Variants in PANK3 observed in about 807,000 individuals in gnomAD.
PANK3 encodes pantothenate kinase 3.
A neutral mutation model predicts 39.4 loss-of-function variants in PANK3; 20 were observed. That is an observed-to-expected ratio of 0.51 (90% CI 0.36 to 0.74). PANK3 has a LOEUF of 0.74. Ranked by LOEUF, PANK3 falls within the 30% of genes least tolerant of loss-of-function variation. The pLI is 0.00. For missense variants in PANK3, 265 were observed against 437.0 expected, an observed-to-expected ratio of 0.61 and a Z score of 3.51; for synonymous variants, 140 against 157.3, an observed-to-expected ratio of 0.89 and a Z score of 0.82.
chr5:168,570,396 A>AAAAAGAAAG (rs1218184463), intron 1 of PANK3, among the ~76,000 whole-genome samples: 1 of 150,796 alleles, frequency 6.6e-6, no homozygotes, highest in Non-Finnish European at 1.5e-5. Context: ...AAAAAAAAAA[A>AAAAAGAAAG]AAAGAAAGAA....
rs974702478 is a variant in PANK3, at chr5:168,572,485, A to T, written c.29-3487T>A. On this transcript the variant is annotated intron_variant, in intron 1 of 6. Coordinates refer to ENST00000239231, the MANE Select transcript of PANK3 (RefSeq NM_024594.4). ...GGGATAGGCAGTGGAGTTAGGAGCA[A>T]TGTTTTGAGGGCAGGGGGTGGATCT... 4.0e-5 allele frequency among the ~76,000 whole-genome samples: 6 copies of T among 148,968 alleles called. No individual in the cohort carries two copies. In the South Asian group the frequency reaches 1.3e-3, roughly 32 times the overall value.
In PANK3 at chr5:168,569,008, GA is replaced by G. The variant is rs368234880; in HGVS notation, c.29-11del. 0.057 allele frequency: 5,186 copies of G among 90,730 alleles called. 174 individuals are homozygous for G. The highest frequency in any genetic ancestry group is 0.13 in the African/African-American group (1,783 of 14,002). 5.6% of individuals were successfully genotyped at this position (90,730 alleles called of 1,614,324 possible). ...CCAAACCATGGGAAAGCTATGGGAG[GA>G]AAAAAAAAAAAAAAAAAAAAAATAT... is the stretch of plus-strand genomic sequence containing the variant. On this transcript the variant is annotated splice_polypyrimidine_tract_variant and intron_variant, in intron 1 of 6. Transcript: ENST00000239231.
chr5:168,560,985 A>C (rs760406930), intron 5 of PANK3: 1 of 498,504 alleles, frequency 2.0e-6, no homozygotes, highest in Admixed American at 2.0e-5. Context: ...GAAAACTTCC[A>C]AGAATTTCAC....
At chr5:168,571,254 T>C (rs1386060654) in intron 1 of PANK3, among the ~76,000 whole-genome samples, 1 of 152,216 alleles carries the variant, frequency 6.6e-6, no homozygotes, top group Non-Finnish European at 1.5e-5. Flanking sequence ...TATAATATTA[T>C]GAATTACAAA....
At chr5:168,561,575 T>C in intron 4 of PANK3, 59 bp from the exon 5 acceptor site, 1 of 1,391,124 alleles carries the variant, frequency 7.2e-7, no homozygotes, top group Non-Finnish European at 9.6e-7. Flanking sequence ...TTTTACGTAT[T>C]AACAGATATA....
At chr5:168,569,136 G>T (rs1222914334) in intron 1 of PANK3, 138 bp from the exon 2 acceptor site, 2 of 219,950 alleles carry the variant, frequency 9.1e-6, no homozygotes, top group Non-Finnish European at 1.7e-5. Flanking sequence ...TATGTATTGG[G>T]TAAGACACAT....
intron 3 of PANK3, among the ~76,000 whole-genome samples, chr5:168,564,672 A>C (rs1759497553): frequency 6.6e-6 from 1 of 152,150 alleles, no homozygotes; most frequent in Non-Finnish European, 1.5e-5. Flanking sequence ...CCTGGTCTCA[A>C]GCAATCCTCC....
chr5:168,561,332 G>T, intron 5 of PANK3, 61 bp downstream of exon 5: 1 of 1,455,072 alleles, frequency 6.9e-7, no homozygotes, highest in Non-Finnish European at 9.2e-7. Context: ...CCTGCTAGGT[G>T]TATATAGGAC....
At chr5:168,560,557 C>T (rs577245708) in intron 5 of PANK3, among the ~76,000 whole-genome samples, 5 of 152,300 alleles carry the variant, frequency 3.3e-5, no homozygotes, top group African/African-American at 1.2e-4. Flanking sequence ...GCAAGCTCCA[C>T]AAAGCCAGAT....
chr5:168,557,961 A>G (rs1271401291), intron 6 of PANK3, among the ~76,000 whole-genome samples: 1 of 152,124 alleles, frequency 6.6e-6, no homozygotes, highest in Admixed American at 6.5e-5. Flanking sequence ...TACGTATTCT[A>G]AAAGTGTGGC....
chr5:168,563,152 C>T (rs1759472397), intron 4 of PANK3, among the ~76,000 whole-genome samples: 1 of 151,996 alleles, frequency 6.6e-6, no homozygotes, highest in Admixed American at 6.6e-5. Context: ...AGGGTTTATT[C>T]CTTTATATAT....
chr5:168,565,879 ATATATAT>A, intron 3 of PANK3, 127 bp downstream of exon 3: 3 of 200,736 alleles, frequency 1.5e-5, no homozygotes, highest in Non-Finnish European at 2.8e-5. Flanking sequence ...ATATATATAT[ATATATAT>A]TTTTTTTTTT....
At chr5:168,558,713 T>G (rs1209715061) in intron 6 of PANK3, among the ~76,000 whole-genome samples, 1 of 152,218 alleles carries the variant, frequency 6.6e-6, no homozygotes, top group Non-Finnish European at 1.5e-5. Flanking sequence ...ACCAATATTC[T>G]ACTACTTAAG....
In PANK3 at chr5:168,574,024, T is replaced by TATACA. The variant is rs1440685905; in HGVS notation, c.29-5031_29-5027dup. Among the ~76,000 whole-genome samples the TATACA allele has an allele frequency of 2.6e-5, 4 of 151,702 alleles. No homozygotes were observed. The South Asian group carries it at 8.4e-4, about 32-fold the overall frequency. On this transcript the variant is annotated intron_variant, in intron 1 of 6. Transcript: ENST00000239231. ...GCAGCATGATTTATAGTCCTTTGGG[T>TATACA]ATACACCCAGTAATGGGATGGCTGG...
chr5:168,577,717 T>C (rs1398766854), intron 1 of PANK3, among the ~76,000 whole-genome samples: 4 of 152,240 alleles, frequency 2.6e-5, no homozygotes, highest in African/African-American at 9.6e-5. Flanking sequence ...CATACCTGAT[T>C]ATTAGTTTGT....
At chr5:168,564,543 C>T (rs1011928258) in intron 3 of PANK3, among the ~76,000 whole-genome samples, 1 of 152,130 alleles carries the variant, frequency 6.6e-6, no homozygotes, top group Non-Finnish European at 1.5e-5. Flanking sequence ...AAGCAATCTT[C>T]CTGTTCCAGC....
At chr5:168,574,680 G>C (rs1045750372) in intron 1 of PANK3, among the ~76,000 whole-genome samples, 1 of 152,120 alleles carries the variant, frequency 6.6e-6, no homozygotes, top group African/African-American at 2.4e-5. Context: ...GGGCAACATG[G>C]TGAAACCTCG....
At chr5:168,576,825 C>T (rs1179380365) in intron 1 of PANK3, among the ~76,000 whole-genome samples, 1 of 151,652 alleles carries the variant, frequency 6.6e-6, no homozygotes, top group African/African-American at 2.4e-5. Flanking sequence ...AAAAACAAAA[C>T]AAATATATCT....
chr5:168,559,857 C>T (rs1199373532), intron 5 of PANK3, among the ~76,000 whole-genome samples: 2 of 152,084 alleles, frequency 1.3e-5, no homozygotes, highest in Non-Finnish European at 2.9e-5. Flanking sequence ...CATGTGCATT[C>T]CCCTAGGATT....
Sources: gnomAD v4.1 joint callset for allele counts (sites outside exome capture counted in the v4.1 genomes callset) on GRCh38, gnomAD v4.1.1 for gene constraint, MANE v1.5 for transcripts, NCBI Gene and HGNC (gene_info 2026-07-23, HGNC 2026-07-21) for gene names.